Variants in FHIT observed in about 807,000 individuals in gnomAD.
FHIT encodes the protein fragile histidine triad diadenosine triphosphatase, also known as bis(5'-adenosyl)-triphosphatase.
Under a neutral mutation model 17.9 loss-of-function variants are expected in FHIT, and 19 were observed. That is an observed-to-expected ratio of 1.06 (90% confidence interval 0.74 to 1.56). The LOEUF (loss-of-function observed/expected upper bound fraction) is 1.56. Among genes scored for constraint, FHIT ranks in the 40% most tolerant of loss-of-function variants. FHIT has a pLI of 0.00. For missense variants in FHIT, 248 were observed against 189.2 expected (o/e 1.31, Z -1.82); for synonymous variants, 81 against 69.7 (o/e 1.16, Z -0.81).
At chr3:60,545,181 A>G (rs769662152) in intron 4 of FHIT, among the ~76,000 whole-genome samples, 3 of 151,526 alleles carry the variant, frequency 2.0e-5, no homozygotes, top group Non-Finnish European at 2.9e-5. Context: ...TTTTTACTGG[A>G]TTTAAAAATA....
intron 1 of FHIT, among the ~76,000 whole-genome samples, chr3:61,250,173 G>A (rs1296528133): frequency 6.6e-6 from 1 of 152,198 alleles, no homozygotes; most frequent in Non-Finnish European, 1.5e-5. Flanking sequence ...AAAATGGCAC[G>A]CCACGAGGTG....
rs548299069 is a variant in FHIT at position 60,811,682 on chromosome 3, G to A, written c.-18+10237C>T. On this transcript the variant is annotated intron_variant, in intron 4 of 9. Transcript: ENST00000492590. ...GACACCTCACATATAACATGGAAAT[G>A]ACATAGAAAACCCCAGAAGCAAGTA... Among the ~76,000 whole-genome samples the A allele has an allele frequency of 7.2e-5, 11 of 152,192 alleles. No individual in the cohort carries two copies. In the South Asian group the frequency reaches 2.1e-3, roughly 29 times the overall value.
intron 5 of FHIT, among the ~76,000 whole-genome samples, chr3:60,478,515 T>TA (rs1164141725): frequency 6.6e-5 from 10 of 152,042 alleles, no homozygotes; most frequent in South Asian, 2.1e-4. Flanking sequence ...GCACTTTACA[T>TA]AAAAAAACAA....
chr3:61,206,802 C>T (rs1221700663), intron 1 of FHIT, among the ~76,000 whole-genome samples: 2 of 152,090 alleles, frequency 1.3e-5, no homozygotes, highest in Non-Finnish European at 2.9e-5. Flanking sequence ...TAATTCAATA[C>T]CCTTTATTTT....
At chr3:61,061,884 G>A (rs964086287) in intron 2 of FHIT, among the ~76,000 whole-genome samples, 10 of 152,030 alleles carry the variant, frequency 6.6e-5, no homozygotes, top group Non-Finnish European at 1.2e-4. Context: ...CATTCCCTGA[G>A]GGAGCCTATA....
rs545338743 is a variant in FHIT at position 60,098,304 on chromosome 3, A to G, written c.104-84152T>C. ...AGGAATCGCCACACTGACTTCCACA[A>G]TGGTTGAACTAGTTTACAGTCCCAC... is the stretch of plus-strand genomic sequence containing the variant. On this transcript the variant is annotated intron_variant, in intron 5 of 9. Transcript: ENST00000492590. Among the ~76,000 whole-genome samples, 1,064 of 146,342 alleles carry G rather than the reference A, an allele frequency of 7.3e-3. 7 individuals are homozygous for G. The highest frequency in any genetic ancestry group is 0.025 in the African/African-American group (989 of 39,874).
intron 3 of FHIT, among the ~76,000 whole-genome samples, chr3:60,867,704 G>C (rs1200385434): frequency 6.6e-6 from 1 of 152,128 alleles, no homozygotes; most frequent in African/African-American, 2.4e-5. Flanking sequence ...AAAAAACTAT[G>C]TTTAATTCTC....
intron 2 of FHIT, among the ~76,000 whole-genome samples, chr3:61,097,898 T>G (rs753155408): frequency 7.9e-5 from 12 of 152,220 alleles, no homozygotes; most frequent in Non-Finnish European, 1.3e-4. Flanking sequence ...ATTCTGTAGG[T>G]TGTCTATTCA....
At chr3:60,965,553 TC>T (rs1173043719) in intron 3 of FHIT, among the ~76,000 whole-genome samples, 2 of 152,212 alleles carry the variant, frequency 1.3e-5, no homozygotes, top group African/African-American at 2.4e-5. Context: ...CTCTGGTTTC[TC>T]CCCATCTTTG....
chr3:60,861,195 C>G (rs376034719), intron 3 of FHIT, among the ~76,000 whole-genome samples: 454 of 1,466 alleles, frequency 0.31, 129 homozygotes, highest in East Asian at 0.4. Flanking sequence ...TGATATATAT[C>G]ATATATGATA....
rs376387923 is a variant in FHIT at position 60,442,992 on chromosome 3, C to T, written c.103+93868G>A. On this transcript the variant is annotated intron_variant, in intron 5 of 9. Transcript: ENST00000492590. ...TCTCCTTGAAGAGGTCCTTCACATC[C>T]CTTGTAAGTTGGATTCCTAGGTATT... Among the ~76,000 whole-genome samples, 1,475 of 151,924 alleles carry T rather than the reference C, an allele frequency of 9.7e-3. 15 individuals are homozygous for T. Among genetic ancestry groups the T allele is most frequent in the East Asian group, 0.028 (146 of 5,142 alleles).
At chr3:60,062,610 T>A (rs1702338360) in intron 5 of FHIT, among the ~76,000 whole-genome samples, 1 of 152,166 alleles carries the variant, frequency 6.6e-6, no homozygotes, top group South Asian at 2.1e-4. Flanking sequence ...AGTGCTGGAT[T>A]TATCCTAAGA....
At chr3:59,780,420 G>A (rs949844206) in intron 8 of FHIT, among the ~76,000 whole-genome samples, 4 of 152,206 alleles carry the variant, frequency 2.6e-5, no homozygotes, top group Admixed American at 1.3e-4. Flanking sequence ...CATGTGTCTG[G>A]TTCCTTCTCT....
chr3:60,983,538 G>A (rs538247232), intron 3 of FHIT, among the ~76,000 whole-genome samples: 30 of 152,260 alleles, frequency 2.0e-4, no homozygotes, highest in African/African-American at 6.7e-4. Flanking sequence ...GAGCCCTGGG[G>A]GAGATGACAG....
chr3:60,132,344 C>G (rs1250429564), intron 5 of FHIT, among the ~76,000 whole-genome samples: 1 of 152,178 alleles, frequency 6.6e-6, no homozygotes, highest in Non-Finnish European at 1.5e-5. Flanking sequence ...CAGAGCTTGG[C>G]TCAGGTTAGA....
chr3:59,969,785 G>C (rs1708094744), intron 7 of FHIT, among the ~76,000 whole-genome samples: 1 of 151,998 alleles, frequency 6.6e-6, no homozygotes. Context: ...CCCCTCAAAA[G>C]CGAGATATTT....
At chr3:60,471,487 G>A (rs909514167) in intron 5 of FHIT, among the ~76,000 whole-genome samples, 8 of 152,094 alleles carry the variant, frequency 5.3e-5, no homozygotes, top group African/African-American at 1.9e-4. Context: ...CTGTGACAGG[G>A]CAACACTGAG....
At chr3:60,748,666 G>A (rs1399126736) in intron 4 of FHIT, among the ~76,000 whole-genome samples, 1 of 152,056 alleles carries the variant, frequency 6.6e-6, no homozygotes, top group African/African-American at 2.4e-5. Flanking sequence ...ACAAAAATTA[G>A]CCAGGTGTGG....
intron 5 of FHIT, among the ~76,000 whole-genome samples, chr3:60,410,660 G>A (rs747200408): frequency 3.3e-5 from 5 of 152,060 alleles, no homozygotes; most frequent in South Asian, 2.1e-4. Context: ...ATTTCCATAT[G>A]TAAGATAAAC....
Sources: allele counts gnomAD v4.1 joint callset (sites outside exome capture counted in the v4.1 genomes callset), GRCh38; gene constraint gnomAD v4.1.1; transcripts MANE v1.5; gene names NCBI Gene and HGNC (gene_info 2026-07-23, HGNC 2026-07-21).